The following DNAH11 variants were observed in gnomAD, a reference collection of about 807,000 sequenced individuals.
DNAH11 encodes dynein axonemal heavy chain 11.
Under a neutral mutation model 526.0 loss-of-function variants are expected in DNAH11, and 442 were observed. The ratio of observed to expected loss-of-function variants is 0.84; its 90% confidence interval spans 0.78 to 0.91. The LOEUF is 0.91. DNAH11 is among the 40% of genes least tolerant of loss of function. DNAH11 has a pLI of 0.00. For synonymous variants in DNAH11, 2,461 were observed against 1,935.9 expected, an observed-to-expected ratio of 1.27 and a Z score of -7.12; for missense variants, 6,989 against 5,448.7, an observed-to-expected ratio of 1.28 and a Z score of -8.90.
At chr7:21,632,051 G>A (rs563605029) in intron 25 of DNAH11, among the ~76,000 whole-genome samples, 17 of 152,262 alleles carry the variant, frequency 1.1e-4, no homozygotes, top group African/African-American at 4.1e-4. Flanking sequence ...CTTGACTTTT[G>A]TGCACTGGCA....
At chr7:21,629,940 T>C (rs562310433) in intron 25 of DNAH11, among the ~76,000 whole-genome samples, 4 of 152,160 alleles carry the variant, frequency 2.6e-5, no homozygotes, top group Non-Finnish European at 4.4e-5. Flanking sequence ...TAAGGACTTA[T>C]TACTGCCATT....
chr7:21,715,303 C>T (rs746940929), intron 42 of DNAH11, among the ~76,000 whole-genome samples: 3 of 152,158 alleles, frequency 2.0e-5, no homozygotes, highest in Non-Finnish European at 4.4e-5. Context: ...AGAAACCACG[C>T]GGTTATAGAC....
At chr7:21,824,557 A>G (rs941189824) in intron 65 of DNAH11, among the ~76,000 whole-genome samples, 6 of 152,228 alleles carry the variant, frequency 3.9e-5, no homozygotes, top group African/African-American at 9.6e-5. Flanking sequence ...AAAGATCTAA[A>G]TAGACATTTC....
chr7:21,838,946 GT>G, intron 65 of DNAH11, among the ~76,000 whole-genome samples: 1 of 152,146 alleles, frequency 6.6e-6, no homozygotes, highest in Non-Finnish European at 1.5e-5. Flanking sequence ...ACAATTTTAT[GT>G]TCCCATTAGC....
At position 21,720,854 on chromosome 7, in the gene DNAH11, C is replaced by T; in HGVS notation, c.7264C>T (p.Gln2422Ter). The change falls in exon 44 of 82, where the codon CAG becomes TAG. Residue 2422 changes from glutamine (Q) to a stop codon, truncating the protein, a stop_gained and splice_region_variant. Transcript: ENST00000409508. LOFTEE classifies it high-confidence loss of function. ...WAFGGTLLQD[Q>*]ISDYQADFSR... is the part of the protein sequence containing the mutation. The stretch of plus-strand genomic sequence containing the variant: ...TTTTGGAGGCACCCTGCTACAAGAT[C>T]AGGTATGTTTAGAAATAGTTTACAG... 1 of 1,612,072 alleles carries T rather than the reference C, an allele frequency of 6.2e-7. No individual in the cohort carries two copies. The highest frequency in any genetic ancestry group is 8.5e-7 in the Non-Finnish European group (1 of 1,179,024).
intron 35 of DNAH11, among the ~76,000 whole-genome samples, chr7:21,694,139 G>T (rs1267098200): frequency 6.6e-6 from 1 of 152,068 alleles, no homozygotes; most frequent in African/African-American, 2.4e-5. Flanking sequence ...GGGACACAGA[G>T]CCAAACCATA....
At chr7:21,635,373 G>C (rs1198525843) in intron 25 of DNAH11, among the ~76,000 whole-genome samples, 1 of 152,138 alleles carries the variant, frequency 6.6e-6, no homozygotes, top group East Asian at 1.9e-4. Context: ...AGCCAGGTTG[G>C]TCTCAATCTC....
chr7:21,748,112 CAAATG>C (rs1006738248), intron 51 of DNAH11, among the ~76,000 whole-genome samples: 4 of 152,130 alleles, frequency 2.6e-5, no homozygotes, highest in Non-Finnish European at 5.9e-5. Context: ...GATGGGGAAA[CAAATG>C]AACAAGGACT....
At chr7:21,704,972 T>A (rs533841183) in intron 38 of DNAH11, among the ~76,000 whole-genome samples, 5 of 152,358 alleles carry the variant, frequency 3.3e-5, no homozygotes, top group Admixed American at 3.3e-4. Context: ...CATTAGTGCC[T>A]GCTTTTAATG....
chr7:21,818,248 T>C lies in DNAH11; in HGVS notation c.10600T>C (p.Phe3534Leu). The stretch of plus-strand genomic sequence containing the variant: ...GAATGCCATTGAAACTGCTTTGGCC[T>C]TTGGTGATGTCATCTTAATTGAAAA... ...FLNAIETALAFGDVILIENLE... is the reference protein window; with the variant it reads ...FLNAIETALALGDVILIENLE... The change falls in exon 65 of 82, where the codon TTT becomes CTT. Residue 3534 changes from phenylalanine (F) to leucine (L), a missense_variant. Phe to Leu is a conservative substitution (Grantham distance 22, BLOSUM62 0). Coordinates refer to ENST00000409508, the MANE Select transcript of DNAH11 (RefSeq NM_001277115.2). The C allele has an allele frequency of 6.2e-7, 1 of 1,612,276 alleles. No individual in the cohort carries two copies.
At chr7:21,609,394 A>G (rs1298176136) in intron 20 of DNAH11, among the ~76,000 whole-genome samples, 1 of 151,910 alleles carries the variant, frequency 6.6e-6, no homozygotes, top group Non-Finnish European at 1.5e-5. Flanking sequence ...TAATTTTTGT[A>G]TTTTTAGTAG....
chr7:21,877,934 T>C (rs548202125), intron 74 of DNAH11, among the ~76,000 whole-genome samples: 59 of 151,436 alleles, frequency 3.9e-4, no homozygotes, highest in Middle Eastern at 3.5e-3. Flanking sequence ...AGGAGTACTC[T>C]TTTGGCTCCC....
chr7:21,894,428 A>G (rs529248784), intron 77 of DNAH11, among the ~76,000 whole-genome samples, 195 bp from the exon 78 acceptor site: 1 of 152,342 alleles, frequency 6.6e-6, no homozygotes, highest in Admixed American at 6.5e-5. Flanking sequence ...AGAGGCACCA[A>G]TGAGGCAGCT....
intron 25 of DNAH11, among the ~76,000 whole-genome samples, chr7:21,627,194 T>C (rs1786381122): frequency 6.6e-6 from 1 of 152,212 alleles, no homozygotes; most frequent in East Asian, 1.9e-4. Context: ...ATGAGTAGTT[T>C]GCAAATATTT....
intron 53 of DNAH11, 45 bp downstream of exon 53, chr7:21,749,846 A>C (rs536318339): frequency 6.2e-7 from 1 of 1,609,052 alleles, no homozygotes; most frequent in African/African-American, 1.3e-5. Flanking sequence ...CCCAATGACA[A>C]ATTATCTGTA....
chr7:21,728,419 C>T (rs552401435), intron 45 of DNAH11, among the ~76,000 whole-genome samples: 4 of 151,790 alleles, frequency 2.6e-5, no homozygotes, highest in Admixed American at 6.6e-5. Context: ...CCACCATGCC[C>T]GGCTAATTTT....
chr7:21,843,253 G>A (rs1280910319), intron 66 of DNAH11, among the ~76,000 whole-genome samples: 1 of 151,982 alleles, frequency 6.6e-6, no homozygotes, highest in Non-Finnish European at 1.5e-5. Context: ...TAGAAGAAAG[G>A]CAATAATAAA....
rs200558824 is a variant in DNAH11, at chr7:21,765,532, G to T, written c.9045G>T (p.Pro3015=). ...CTAIDWFHAW[P]QEALVSVSRR... ...CTATTGACTGGTTTCATGCGTGGCC[G>T]CAGGAGGCTCTGGTCTCCGTCAGCA... Residue 3015 remains proline, a synonymous_variant, in exon 55 of 82, where the codon CCG becomes CCT. Transcript: ENST00000409508. The T allele has an allele frequency of 5.6e-6, 9 of 1,612,518 alleles. No individual in the cohort carries two copies. Among genetic ancestry groups the T allele is most frequent in the Admixed American group, 1.7e-5 (1 of 59,900 alleles).
At chr7:21,580,481 G>T (rs1190833232) in intron 8 of DNAH11, among the ~76,000 whole-genome samples, 1 of 152,184 alleles carries the variant, frequency 6.6e-6, no homozygotes. Flanking sequence ...TCAGCATAAG[G>T]TGCCCTCTGT....
Sources: gnomAD v4.1 joint callset for allele counts (sites outside exome capture counted in the v4.1 genomes callset) on GRCh38, gnomAD v4.1.1 for gene constraint, MANE v1.5 for transcripts, NCBI Gene and HGNC (gene_info 2026-07-23, HGNC 2026-07-21) for gene names.